RELN: variants seen among roughly 807,000 people sequenced by gnomAD.
RELN encodes reelin.
RELN carries 108 observed loss-of-function variants against 427.6 expected under a neutral mutation model. That is an observed-to-expected ratio of 0.25 (90% CI 0.22 to 0.30). The LOEUF is 0.30. RELN is among the 10% of genes least tolerant of loss of function. The pLI is 1.00. For missense variants in RELN, 3,715 were observed against 4,302.8 expected (o/e 0.86, Z 3.82); for synonymous variants, 1,524 against 1,513.4 (o/e 1.01, Z -0.16).
chr7:103,852,082 G>A (rs1051782919), intron 2 of RELN, among the ~76,000 whole-genome samples: 1 of 152,114 alleles, frequency 6.6e-6, no homozygotes, highest in African/African-American at 2.4e-5. Context: ...GAACTTACCT[G>A]ATTAATACAC....
chr7:103,653,433 G>A (rs1301783837), intron 13 of RELN, among the ~76,000 whole-genome samples: 5 of 152,046 alleles, frequency 3.3e-5, no homozygotes, highest in Admixed American at 2.0e-4. Flanking sequence ...TGAAATGCTA[G>A]ATGTTAGCTG....
intron 64 of RELN, among the ~76,000 whole-genome samples, chr7:103,477,994 C>G (rs1828094743): frequency 6.6e-6 from 1 of 152,124 alleles, no homozygotes. Context: ...ATCAGAGTCC[C>G]TAAATCTTTT....
intron 8 of RELN, among the ~76,000 whole-genome samples, chr7:103,708,617 A>C (rs1364081507): frequency 2.6e-5 from 4 of 151,620 alleles, no homozygotes; most frequent in Non-Finnish European, 5.9e-5. Flanking sequence ...GCGCCCGCCA[A>C]CACGCCCGGC....
At chr7:103,984,428 T>C (rs1035807785) in intron 1 of RELN, among the ~76,000 whole-genome samples, 1 of 152,114 alleles carries the variant, frequency 6.6e-6, no homozygotes, top group African/African-American at 2.4e-5. Flanking sequence ...GAAGGAAATA[T>C]AATTAAATAA....
chr7:103,635,600 G>A lies in RELN; in HGVS notation c.2304-14C>T. 1 of 1,609,770 alleles carries A rather than the reference G, an allele frequency of 6.2e-7. No homozygotes were observed. The highest frequency in any genetic ancestry group is 8.5e-7 in the Non-Finnish European group (1 of 1,176,384). On this transcript the variant is annotated splice_polypyrimidine_tract_variant and intron_variant, in intron 18 of 64. Transcript: ENST00000428762. ...AACTGGAGAAACCTAGACAGAAATTGTCTATAATTAGTGTATGCATAAACA... is the reference window on the plus strand; with the variant it reads ...AACTGGAGAAACCTAGACAGAAATTATCTATAATTAGTGTATGCATAAACA...
intron 2 of RELN, among the ~76,000 whole-genome samples, chr7:103,855,051 T>C (rs1347112620): frequency 6.6e-6 from 1 of 152,228 alleles, no homozygotes; most frequent in Admixed American, 6.5e-5. Flanking sequence ...ATCAAATGAA[T>C]ATATCAAAAT....
chr7:103,787,014 C>T (rs1311233445), intron 3 of RELN, among the ~76,000 whole-genome samples: 3 of 152,108 alleles, frequency 2.0e-5, no homozygotes. Flanking sequence ...GACCATAGTG[C>T]CATCAAATTA....
At chr7:103,977,443 GAGA>G (rs575336812) in intron 1 of RELN, among the ~76,000 whole-genome samples, 2 of 151,682 alleles carry the variant, frequency 1.3e-5, no homozygotes, top group South Asian at 2.1e-4. Flanking sequence ...ACTTTCAGAA[GAGA>G]AGAAGGCATT....
chr7:103,724,171 G>A (rs1790144942), intron 7 of RELN, among the ~76,000 whole-genome samples: 1 of 139,394 alleles, frequency 7.2e-6, no homozygotes, highest in Non-Finnish European at 1.6e-5. Flanking sequence ...TACTTTTGCT[G>A]CTTTTTTTTT....
chr7:103,565,294 G>A lies in RELN; in HGVS notation c.5194C>T (p.Leu1732Phe), dbSNP rs755485060. Residue 1732 changes from leucine (L) to phenylalanine (F), a missense_variant, in exon 34 of 65, where the codon CTT (leucine) becomes TTT (phenylalanine). Transcript: ENST00000428762. ...FQNWKRITVY[L>F]PLSTISPRTR... The stretch of plus-strand genomic sequence containing the variant: ...AATTCTCACATGGTGGAGAGTGGAA[G>A]GTAGACAGTGATCCGCTTCCAATTC... The A allele has an allele frequency of 1.1e-4, 175 of 1,614,042 alleles. No individual in the cohort carries two copies. Among genetic ancestry groups the A allele is most frequent in the Non-Finnish European group, 1.5e-4 (173 of 1,180,014 alleles).
chr7:103,804,973 C>A (rs1044932629), intron 3 of RELN, among the ~76,000 whole-genome samples: 1 of 151,796 alleles, frequency 6.6e-6, no homozygotes, highest in African/African-American at 2.4e-5. Flanking sequence ...CAGGGACTTG[C>A]GTTTCATGAA....
Position 103,603,619 on chromosome 7 carries a change from C to T in RELN, c.3147-129G>A. 1.3e-6 allele frequency: 1 copy of T among 751,232 alleles called. No individual in the cohort carries two copies. The highest frequency in any genetic ancestry group is 2.4e-6 in the Non-Finnish European group (1 of 421,556). The allele number at this position is 751,232 out of a possible 1,614,324, so 46.5% of individuals were successfully genotyped here. On this transcript the variant is annotated intron_variant, in intron 23 of 64. Transcript: ENST00000428762. This position sits in a 1 kb window ranked among gnomAD's most constrained non-coding sequence, Gnocchi z 4.3. ...ATCATTCACACTAGATTCTTCCCTA[C>T]AGTGTTAATCTGGGTATGCGGTAGT...
chr7:103,676,241 A>C (rs1300575473), intron 11 of RELN, among the ~76,000 whole-genome samples: 1 of 152,242 alleles, frequency 6.6e-6, no homozygotes, highest in Non-Finnish European at 1.5e-5. Flanking sequence ...CTATGAACAG[A>C]CACTTCTCAA....
At position 103,616,764 on chromosome 7, in the gene RELN, G is replaced by A. The variant is rs2299347; in HGVS notation, c.2703-4961C>T. On this transcript the variant is annotated intron_variant, in intron 20 of 64. Coordinates refer to ENST00000428762, the MANE Select transcript of RELN (RefSeq NM_005045.4). ...TTTCTATATTGACAAAATATGGTGAGACATTTTGATTTTTAATGAATCAAG... is the reference window on the plus strand; with the variant it reads ...TTTCTATATTGACAAAATATGGTGAAACATTTTGATTTTTAATGAATCAAG... Among the ~76,000 whole-genome samples, 114 of 152,178 alleles carry A rather than the reference G, an allele frequency of 7.5e-4. No individual in the cohort carries two copies. In the South Asian group the frequency reaches 0.011, roughly 15 times the overall value.
intron 4 of RELN, among the ~76,000 whole-genome samples, chr7:103,774,580 TAATA>T (rs1337164676): frequency 6.6e-6 from 1 of 152,200 alleles, no homozygotes; most frequent in Non-Finnish European, 1.5e-5. Flanking sequence ...GTTTTTCCTC[TAATA>T]AATATATTAG....
intron 6 of RELN, among the ~76,000 whole-genome samples, chr7:103,744,626 A>G (rs145427023): frequency 0.073 from 11,145 of 152,264 alleles, 530 homozygotes; most frequent in East Asian, 0.18. Flanking sequence ...ATCAGAGAAT[A>G]CTATAAACAC....
intron 1 of RELN, among the ~76,000 whole-genome samples, chr7:103,957,477 G>A (rs973546641): frequency 1.3e-5 from 2 of 152,180 alleles, no homozygotes; most frequent in South Asian, 2.1e-4. Context: ...TTTCACCTTC[G>A]TGGCAATCTC....
At chr7:103,954,442 G>C (rs1018809420) in intron 1 of RELN, among the ~76,000 whole-genome samples, 1 of 128,584 alleles carries the variant, frequency 7.8e-6, no homozygotes, top group Non-Finnish European at 1.8e-5. Flanking sequence ...GTATGTGTAA[G>C]CATGTGTGTG....
chr7:103,494,160 G>A (rs548637148), intron 57 of RELN, among the ~76,000 whole-genome samples: 1 of 152,280 alleles, frequency 6.6e-6, no homozygotes, highest in East Asian at 1.9e-4. Flanking sequence ...TCCTGAAGGA[G>A]TGGTAGCATT....
Sources: allele counts gnomAD v4.1 joint callset (sites outside exome capture counted in the v4.1 genomes callset), GRCh38; gene constraint gnomAD v4.1.1; non-coding constraint Gnocchi (gnomAD v3.1); transcripts MANE v1.5; gene names NCBI Gene and HGNC (gene_info 2026-07-23, HGNC 2026-07-21).